The following RBM27 variants were observed in gnomAD, a reference collection of about 807,000 sequenced individuals.
RBM27 encodes the protein RNA-binding protein 27.
RBM27 carries 22 observed loss-of-function variants against 135.3 expected under a neutral mutation model. The observed-to-expected ratio is 0.16, with a 90% confidence interval of 0.12 to 0.23. The LOEUF is 0.23. Ranked by LOEUF, RBM27 falls within the 10% of genes least tolerant of loss-of-function variation. The pLI is 1.00. For synonymous variants in RBM27, 481 were observed against 442.4 expected (o/e 1.09, Z -1.10); for missense variants, 1,009 against 1,281.0 (o/e 0.79, Z 3.24).
intron 3 of RBM27, among the ~76,000 whole-genome samples, chr5:146,226,320 G>T (rs918012914): frequency 2.0e-5 from 3 of 152,048 alleles, no homozygotes; most frequent in African/African-American, 7.2e-5. Flanking sequence ...TGGTTTAGAT[G>T]TATCTGTTTG....
chr5:146,275,989 C>T (rs1421104336), intron 19 of RBM27, among the ~76,000 whole-genome samples: 2 of 152,030 alleles, frequency 1.3e-5, no homozygotes, highest in African/African-American at 2.4e-5. Flanking sequence ...TACCATGTTG[C>T]CTTTTATTAG....
Position 146,203,681 on chromosome 5 carries a change from G to T in RBM27, c.-85G>T. 1 of 1,303,010 alleles carries T rather than the reference G, an allele frequency of 7.7e-7. No individual in the cohort carries two copies. Among genetic ancestry groups the T allele is most frequent in the South Asian group, 1.3e-5 (1 of 78,004 alleles). The allele number at this position is 1,303,010 out of a possible 1,614,324, so 80.7% of individuals were successfully genotyped here. A position where few individuals can be genotyped will look rare whatever the true frequency, so the allele number is the denominator to read the frequency against. On this transcript the variant is annotated 5_prime_UTR_variant, in exon 1 of 21. Transcript: ENST00000265271. ...CCGGTGGGCTGGGGCACCGGGAGCT[G>T]TGAAGGGAACGTGAGGGGGCGGCGT...
chr5:146,250,592 GATACCTT>G (rs1238003249), intron 8 of RBM27, among the ~76,000 whole-genome samples: 2 of 151,918 alleles, frequency 1.3e-5, no homozygotes, highest in Non-Finnish European at 2.9e-5. Context: ...TTTGCTCCTT[GATACCTT>G]ATCTTTTTCT....
chr5:146,275,588 T>C (rs1430409197), intron 19 of RBM27, among the ~76,000 whole-genome samples: 1 of 152,150 alleles, frequency 6.6e-6, no homozygotes, highest in East Asian at 1.9e-4. Flanking sequence ...TTTTAAAAAA[T>C]AGAAAAATCT....
intron 19 of RBM27, among the ~76,000 whole-genome samples, chr5:146,274,158 T>C (rs1316070609): frequency 6.6e-6 from 1 of 151,552 alleles, no homozygotes; most frequent in Non-Finnish European, 1.5e-5. Context: ...CTAATTTTTG[T>C]ATTTTTAGTG....
At chr5:146,274,452 G>A (rs1470253556) in intron 19 of RBM27, among the ~76,000 whole-genome samples, 3 of 152,060 alleles carry the variant, frequency 2.0e-5, no homozygotes, top group Non-Finnish European at 2.9e-5. Context: ...TAGAGATGGG[G>A]TTTTGCCATG....
At chr5:146,215,837 G>C (rs1466742346) in intron 1 of RBM27, among the ~76,000 whole-genome samples, 1 of 150,604 alleles carries the variant, frequency 6.6e-6, no homozygotes, top group Non-Finnish European at 1.5e-5. Flanking sequence ...TGCAACCTCT[G>C]CCTCCCGGGT....
At chr5:146,223,353 ATTTTTGT>A in intron 2 of RBM27, 43 bp from the exon 3 acceptor site, 1 of 1,538,530 alleles carries the variant, frequency 6.5e-7, no homozygotes, top group Non-Finnish European at 8.7e-7. Context: ...GTGTTGTCAA[ATTTTTGT>A]TTTTTGTTTG....
intron 1 of RBM27, among the ~76,000 whole-genome samples, chr5:146,204,595 A>G (rs1294903204): frequency 6.6e-6 from 1 of 152,148 alleles, no homozygotes; most frequent in Non-Finnish European, 1.5e-5. Flanking sequence ...CTACACTGGT[A>G]TGCAGCATTA....
chr5:146,233,260 A>G (rs1366021740), intron 6 of RBM27, among the ~76,000 whole-genome samples, 190 bp from the exon 7 acceptor site: 1 of 152,130 alleles, frequency 6.6e-6, no homozygotes, highest in Non-Finnish European at 1.5e-5. Flanking sequence ...CATAGTGTAA[A>G]AAGTAGAGAG....
chr5:146,209,537 A>G (rs1755849449), intron 1 of RBM27, among the ~76,000 whole-genome samples: 1 of 152,174 alleles, frequency 6.6e-6, no homozygotes, highest in South Asian at 2.1e-4. Context: ...CATGATGCAT[A>G]TACTTTGGTT....
At chr5:146,253,988 A>G (rs1177280728) in intron 9 of RBM27, among the ~76,000 whole-genome samples, 1 of 152,308 alleles carries the variant, frequency 6.6e-6, no homozygotes, top group African/African-American at 2.4e-5. Context: ...AATATGGTTT[A>G]TGTGTGAAAC....
At chr5:146,206,384 T>G (rs1407361160) in intron 1 of RBM27, among the ~76,000 whole-genome samples, 7 of 149,762 alleles carry the variant, frequency 4.7e-5, no homozygotes, top group African/African-American at 1.7e-4. Flanking sequence ...TTTTTCCTTC[T>G]TTTTTTTAAA....
At chr5:146,228,226 A>G (rs1453245297) in intron 3 of RBM27, among the ~76,000 whole-genome samples, 1 of 151,218 alleles carries the variant, frequency 6.6e-6, no homozygotes. Flanking sequence ...CTCTTGCGCC[A>G]GAAATATTAT....
intron 1 of RBM27, among the ~76,000 whole-genome samples, chr5:146,205,224 G>C (rs537844601): frequency 2.0e-5 from 3 of 152,174 alleles, no homozygotes; most frequent in South Asian, 4.1e-4. Flanking sequence ...TTAAAGGGTA[G>C]AGTTGTGGAG....
chr5:146,235,554 T>G (rs1444197666), intron 7 of RBM27, among the ~76,000 whole-genome samples: 16 of 152,076 alleles, frequency 1.1e-4, no homozygotes, highest in Non-Finnish European at 1.3e-4. Flanking sequence ...AGACTTTGTC[T>G]CAAAAAAATT....
chr5:146,252,792 AC>A (rs750521202), intron 9 of RBM27, among the ~76,000 whole-genome samples: 1 of 152,216 alleles, frequency 6.6e-6, no homozygotes, highest in Non-Finnish European at 1.5e-5. Context: ...ACATATCATT[AC>A]AGTGTGTTTC....
At chr5:146,267,287 A>G (rs1458195005) in intron 14 of RBM27, among the ~76,000 whole-genome samples, 1 of 152,204 alleles carries the variant, frequency 6.6e-6, no homozygotes, top group African/African-American at 2.4e-5. Flanking sequence ...CATTACCAGG[A>G]TAAACAGATG....
At chr5:146,272,336 A>G (rs1025597257) in intron 19 of RBM27, among the ~76,000 whole-genome samples, 3 of 152,252 alleles carry the variant, frequency 2.0e-5, no homozygotes, top group African/African-American at 4.8e-5. Context: ...AACCACAATC[A>G]TATAATTAAT....
Sources: gnomAD v4.1 joint callset for allele counts (sites outside exome capture counted in the v4.1 genomes callset) on GRCh38, gnomAD v4.1.1 for gene constraint, MANE v1.5 for transcripts, NCBI Gene and HGNC (gene_info 2026-07-23, HGNC 2026-07-21) for gene names.